Variants in TMTC2 observed in about 807,000 individuals in gnomAD.
TMTC2 encodes protein O-mannosyl-transferase TMTC2.
A neutral mutation model predicts 82.4 loss-of-function variants in TMTC2; 43 were observed. That is an observed-to-expected ratio of 0.52 (90% CI 0.41 to 0.67). The LOEUF (loss-of-function observed/expected upper bound fraction) is 0.67, where lower values mean the gene tolerates loss of function less well. Ranked by LOEUF, TMTC2 falls within the 30% of genes least tolerant of loss-of-function variation. TMTC2 has a pLI of 0.00. For synonymous variants in TMTC2, 408 were observed against 381.9 expected (o/e 1.07, Z -0.80); for missense variants, 919 against 1,012.4 (o/e 0.91, Z 1.25).
intron 1 of TMTC2, among the ~76,000 whole-genome samples, chr12:82,838,226 C>T (rs1053465721): frequency 1.3e-5 from 2 of 152,284 alleles, no homozygotes; most frequent in South Asian, 2.1e-4. Flanking sequence ...AGTGTCATGT[C>T]ATCAACACCC....
chr12:83,004,722 A>ATTTTTTTTTTTTTTTTTTTTTTTTTT (rs528076999), intron 8 of TMTC2, among the ~76,000 whole-genome samples: 2 of 36,032 alleles, frequency 5.6e-5, no homozygotes, highest in Non-Finnish European at 5.3e-5. Flanking sequence ...TACTGGCCGA[A>ATTTTTTTTTTTTTTTTTTTTTTTTTT]TTTTTTTTTT....
chr12:82,833,440 AGTTTGGGCTCT>A (rs1194675212), intron 1 of TMTC2, among the ~76,000 whole-genome samples: 1 of 152,224 alleles, frequency 6.6e-6, no homozygotes, highest in African/African-American at 2.4e-5. Flanking sequence ...AAATTTCAGC[AGTTTGGGCTCT>A]GACAAGTCTA....
intron 1 of TMTC2, among the ~76,000 whole-genome samples, chr12:82,765,851 A>T (rs7299737): frequency 0.033 from 5,047 of 152,284 alleles, 274 homozygotes; most frequent in African/African-American, 0.11. Context: ...GTATTAAAAG[A>T]TAATACTTTT....
At chr12:82,956,261 C>T (rs1323600501) in intron 4 of TMTC2, among the ~76,000 whole-genome samples, 1 of 151,968 alleles carries the variant, frequency 6.6e-6, no homozygotes, top group Non-Finnish European at 1.5e-5. Context: ...GGTCTAAATG[C>T]TTCACTTAGG....
At chr12:82,738,678 A>G (rs183041369) in intron 1 of TMTC2, among the ~76,000 whole-genome samples, 136 of 152,350 alleles carry the variant, frequency 8.9e-4, no homozygotes, top group African/African-American at 3.0e-3. Context: ...TGTCATTCAT[A>G]TGGAATGAGA....
chr12:82,840,682 G>A (rs1870283736), intron 1 of TMTC2, among the ~76,000 whole-genome samples: 1 of 152,206 alleles, frequency 6.6e-6, no homozygotes, highest in Admixed American at 6.5e-5. Context: ...AGCTAAAAAG[G>A]CACTGCGCGT....
chr12:82,997,352 A>ATATATATATATGTG lies in TMTC2; in HGVS notation c.2070+11317_2070+11318insGTGTATATATATAT, dbSNP rs1481161689. Among the ~76,000 whole-genome samples, 97 of 21,420 alleles carry ATATATATATATGTG rather than the reference A, an allele frequency of 4.5e-3. 2 individuals are homozygous for ATATATATATATGTG. Among genetic ancestry groups the ATATATATATATGTG allele is most frequent in the African/African-American group, 0.012 (93 of 7,986 alleles). 14.1% of individuals were successfully genotyped at this position (21,420 alleles called of 152,430 possible). A position where few individuals can be genotyped will look rare whatever the true frequency, so the allele number is the denominator to read the frequency against. On this transcript the variant is annotated intron_variant, in intron 8 of 11. Coordinates refer to ENST00000321196, the MANE Select transcript of TMTC2 (RefSeq NM_152588.3). Reference sequence around the variant, plus strand: ...TGTGTGTGTGTGTGTGTGTGTGTATATATATATATATATGTGTATATATAT... The same window carrying ATATATATATATGTG: ...TGTGTGTGTGTGTGTGTGTGTGTATATATATATATATGTGTATATATATATATGTGTATATATAT...
At chr12:82,998,998 A>G (rs1879797508) in intron 8 of TMTC2, among the ~76,000 whole-genome samples, 2 of 152,200 alleles carry the variant, frequency 1.3e-5, no homozygotes, top group South Asian at 4.1e-4. Context: ...AATATAATAC[A>G]TTAGTATGAT....
At chr12:82,936,168 C>G (rs538241323) in intron 4 of TMTC2, among the ~76,000 whole-genome samples, 1 of 151,880 alleles carries the variant, frequency 6.6e-6, no homozygotes, top group Middle Eastern at 3.4e-3. Context: ...AATATTGGCC[C>G]AAGAAAAGAT....
chr12:83,116,758 C>A (rs1051691344), intron 11 of TMTC2, among the ~76,000 whole-genome samples: 2 of 152,012 alleles, frequency 1.3e-5, no homozygotes, highest in African/African-American at 2.4e-5. Flanking sequence ...CTATTCATGT[C>A]CTTAGCCCAC....
intron 1 of TMTC2, among the ~76,000 whole-genome samples, chr12:82,793,061 A>T (rs1471191948): frequency 3.3e-5 from 5 of 152,124 alleles, no homozygotes; most frequent in Admixed American, 3.3e-4. Flanking sequence ...TGATAGAATG[A>T]ATACACACAT....
intron 1 of TMTC2, among the ~76,000 whole-genome samples, chr12:82,764,134 A>G (rs752038621): frequency 5.6e-4 from 85 of 152,224 alleles, no homozygotes; most frequent in Non-Finnish European, 9.0e-4. Flanking sequence ...ATACATATAC[A>G]CACACATACA....
At chr12:83,068,397 A>G (rs942203878) in intron 11 of TMTC2, among the ~76,000 whole-genome samples, 28 of 152,184 alleles carry the variant, frequency 1.8e-4, no homozygotes, top group Non-Finnish European at 3.1e-4. Context: ...AGATTTTAAC[A>G]TATAAAGGAT....
chr12:82,831,020 C>A (rs545635384), intron 1 of TMTC2, among the ~76,000 whole-genome samples: 79 of 152,252 alleles, frequency 5.2e-4, no homozygotes, highest in African/African-American at 1.8e-3. Context: ...AAACAATATT[C>A]TGTCTCACTT....
intron 2 of TMTC2, among the ~76,000 whole-genome samples, chr12:82,876,051 G>GTGGTGA (rs1872500928): frequency 2.2e-5 from 3 of 135,698 alleles, no homozygotes; most frequent in Non-Finnish European, 4.8e-5. Flanking sequence ...GGTGGTGGTG[G>GTGGTGA]TGGTGGTGGT....
chr12:82,726,132 C>T (rs983074341), intron 1 of TMTC2, among the ~76,000 whole-genome samples: 4 of 152,104 alleles, frequency 2.6e-5, no homozygotes, highest in Non-Finnish European at 4.4e-5. Context: ...TTCTTTGTCA[C>T]ATAATGTTAT....
rs1188755456 is a variant in TMTC2 at position 82,976,833 on chromosome 12, C to T, written c.1949-9092C>T. Among the ~76,000 whole-genome samples the T allele has an allele frequency of 2.6e-5, 4 of 151,952 alleles. No homozygotes were observed. In the East Asian group the frequency reaches 5.8e-4, roughly 22 times the overall value. On this transcript the variant is annotated intron_variant, in intron 7 of 11. Transcript: ENST00000321196. ...GAAGTAAAAAATGATCATCGGACTG[C>T]AGGTTCTAGAAAAAAAGAATTATCT...
At chr12:82,949,483 A>T (rs892754480) in intron 4 of TMTC2, among the ~76,000 whole-genome samples, 1 of 152,172 alleles carries the variant, frequency 6.6e-6, no homozygotes, top group African/African-American at 2.4e-5. Flanking sequence ...CTTTTTTAAA[A>T]TTTTTTAAAT....
At chr12:82,974,455 G>C (rs1454394638) in intron 7 of TMTC2, among the ~76,000 whole-genome samples, 1 of 152,108 alleles carries the variant, frequency 6.6e-6, no homozygotes, top group East Asian at 1.9e-4. Context: ...AGATGAAATA[G>C]ACATAGTCAT....
Sources: allele counts gnomAD v4.1 joint callset (sites outside exome capture counted in the v4.1 genomes callset), GRCh38; gene constraint gnomAD v4.1.1; transcripts MANE v1.5; gene names NCBI Gene and HGNC (gene_info 2026-07-23, HGNC 2026-07-21).